The following CAPN1 variants were observed in gnomAD, a reference collection of about 807,000 sequenced individuals.
The protein encoded by CAPN1 is calpain-1 catalytic subunit.
CAPN1 carries 77 observed loss-of-function variants against 105.2 expected under a neutral mutation model. That is an observed-to-expected ratio of 0.73 (90% CI 0.61 to 0.88). The LOEUF (loss-of-function observed/expected upper bound fraction) is 0.88, where lower values mean the gene tolerates loss of function less well. CAPN1 is among the 40% of genes least tolerant of loss of function. The pLI is 0.00. For synonymous variants in CAPN1, 355 were observed against 388.8 expected (o/e 0.91, Z 1.02); for missense variants, 833 against 976.6 (o/e 0.85, Z 1.96).
At position 65,208,113 on chromosome 11, in the gene CAPN1, C is replaced by T. The variant is rs1392104479; in HGVS notation, c.1664C>T (p.Ala555Val). The change falls in exon 15 of 22, where the codon GCA becomes GTA. Residue 555 changes from alanine (A) to valine (V), a missense_variant. Transcript: ENST00000279247. The surrounding 1 kb of genome is among the most constrained non-coding windows in gnomAD (Gnocchi z 4.1). ...TTCAAGGCCCTCTTCAGGCAGCTGG[C>T]AGGGGAGGTAGGTTGGGGCATGGCA... ...ENFKALFRQL[A>V]GEDMEISVKE... 1.9e-6 allele frequency: 3 copies of T among 1,607,814 alleles called. No homozygotes were observed. The highest frequency in any genetic ancestry group is 2.5e-6 in the Non-Finnish European group (3 of 1,177,338).
intron 10 of CAPN1, among the ~76,000 whole-genome samples, chr11:65,202,001 T>A (rs552195766): frequency 6.6e-6 from 1 of 151,854 alleles, no homozygotes; most frequent in South Asian, 2.1e-4. Context: ...TTCTGTATTT[T>A]TTCAGTAGAG....
intron 10 of CAPN1, among the ~76,000 whole-genome samples, chr11:65,190,702 G>GGT (rs1948706433): frequency 7.8e-6 from 1 of 127,636 alleles, no homozygotes; most frequent in South Asian, 2.4e-4. Flanking sequence ...TTTTGTTGTT[G>GGT]GTTTTTTTTG....
chr11:65,187,286 C>G lies in CAPN1; in HGVS notation c.831C>G (p.Thr277=). 1 of 1,612,190 alleles carries G rather than the reference C, an allele frequency of 6.2e-7. No individual in the cohort carries two copies. Among genetic ancestry groups the G allele is most frequent in the African/African-American group, 1.3e-5 (1 of 75,042 alleles). The change falls in exon 7 of 22, where the codon ACC becomes ACG. Residue 277 remains threonine, a synonymous_variant. Coordinates refer to ENST00000279247, the MANE Select transcript of CAPN1 (RefSeq NM_005186.4). ...TGAAGGGCCATGCCTACTCTGTGAC[C>G]GGGGCCAAGCAGGTACTGCCCTGGG... ...KLVKGHAYSV[T]GAKQVNYRGQ...
intron 12 of CAPN1, chr11:65,206,000 CAAGT>C: frequency 1.8e-6 from 1 of 545,846 alleles, no homozygotes; most frequent in Non-Finnish European, 3.3e-6. Flanking sequence ...CCATCTACAC[CAAGT>C]AAGTGCCAAC....
In CAPN1 at chr11:65,183,575, G is replaced by A. The variant is rs765778693; in HGVS notation, c.439G>A (p.Gly147Ser). 2.5e-6 allele frequency: 4 copies of A among 1,612,794 alleles called. No individual in the cohort carries two copies. The highest frequency in any genetic ancestry group is 2.5e-6 in the Non-Finnish European group (3 of 1,178,822). Residue 147 changes from glycine to serine, a missense_variant, in exon 4 of 22, where the codon GGC becomes AGC. Gly to Ser is a moderately conservative substitution (Grantham distance 56). Coordinates refer to ENST00000279247, the MANE Select transcript of CAPN1 (RefSeq NM_005186.4). ...HGQSFQNGYA[G>S]IFHFQLWQFG... is the part of the protein sequence containing the mutation. The stretch of plus-strand genomic sequence containing the variant: ...CCAGAGCTTCCAGAATGGCTATGCC[G>A]GCATCTTCCATTTCCAGGTGAGGGC...
Position 65,209,516 on chromosome 11 carries a change from T to C in CAPN1, c.1794+129T>C. On this transcript the variant is annotated intron_variant, in intron 17 of 21. Transcript: ENST00000279247. The surrounding 1 kb of genome is among the most constrained non-coding windows in gnomAD (Gnocchi z 4.1). Reference sequence around the variant, plus strand: ...CGGAGTGTGGACACACAGTGCCCCATGCTCAGATGTCTCCCTGGACGTCTT... The same window carrying C: ...CGGAGTGTGGACACACAGTGCCCCACGCTCAGATGTCTCCCTGGACGTCTT... 1 of 787,468 alleles carries C rather than the reference T, an allele frequency of 1.3e-6. No individual in the cohort carries two copies. Among genetic ancestry groups the C allele is most frequent in the East Asian group, 2.7e-5 (1 of 37,098 alleles). The allele number at this position is 787,468 out of a possible 1,614,324, so 48.8% of individuals were successfully genotyped here.
At chr11:65,206,114 A>G (rs1463318864) in intron 12 of CAPN1, 2 of 507,796 alleles carry the variant, frequency 3.9e-6, no homozygotes, top group South Asian at 2.4e-5. Context: ...TTGTGTCTGT[A>G]AAATGGGTGT....
At chr11:65,197,732 C>T (rs1422505070) in intron 10 of CAPN1, among the ~76,000 whole-genome samples, 1 of 151,860 alleles carries the variant, frequency 6.6e-6, no homozygotes, top group Non-Finnish European at 1.5e-5. Context: ...ACCAAAAATA[C>T]AAAAATTAGC....
At chr11:65,186,852 C>T (rs1322792218) in intron 6 of CAPN1, among the ~76,000 whole-genome samples, 1 of 152,226 alleles carries the variant, frequency 6.6e-6, no homozygotes, top group East Asian at 1.9e-4. Context: ...CTCTTCTGTC[C>T]TCACGTCCTT....
chr11:65,206,338 G>T, intron 12 of CAPN1, 125 bp from the exon 13 acceptor site: 1 of 716,342 alleles, frequency 1.4e-6, no homozygotes, highest in Non-Finnish European at 2.4e-6. Context: ...GGCTGTGAGT[G>T]AGCCATGCCC....
chr11:65,183,490 G>T lies in CAPN1; in HGVS notation c.354G>T (p.Leu118Phe). Residue 118 changes from leucine to phenylalanine, a missense_variant, in exon 4 of 22, where the codon TTG becomes TTT. By Grantham distance (22) the Leu-to-Phe change is conservative (BLOSUM62 0). Coordinates refer to ENST00000279247, the MANE Select transcript of CAPN1 (RefSeq NM_005186.4). ...CTGCCCCAGGGGACTGCTGGCTCTTGGCGGCCATCGCCTCCCTCACTCTCA... is the reference window on the plus strand; with the variant it reads ...CTGCCCCAGGGGACTGCTGGCTCTTTGCGGCCATCGCCTCCCTCACTCTCA... ...CQGALGDCWL[L>F]AAIASLTLND... The T allele has an allele frequency of 6.2e-7, 1 of 1,613,470 alleles. No homozygotes were observed. The highest frequency in any genetic ancestry group is 8.5e-7 in the Non-Finnish European group (1 of 1,179,466).
intron 10 of CAPN1, among the ~76,000 whole-genome samples, chr11:65,191,610 C>T (rs1957275731): frequency 6.6e-6 from 1 of 152,180 alleles, no homozygotes; most frequent in African/African-American, 2.4e-5. Context: ...AACTCCTGAC[C>T]TCAGGTGATC....
chr11:65,205,220 T>C (rs760595671), intron 11 of CAPN1, among the ~76,000 whole-genome samples: 6 of 152,198 alleles, frequency 3.9e-5, no homozygotes, highest in East Asian at 1.9e-4. Context: ...AGGGGAAAGA[T>C]AGGGGATAGG....
At chr11:65,189,539 A>G (rs1590852834) in intron 10 of CAPN1, among the ~76,000 whole-genome samples, 1 of 152,052 alleles carries the variant, frequency 6.6e-6, no homozygotes, top group African/African-American at 2.4e-5. Flanking sequence ...TTAGTCTTCA[A>G]CCCTTCGACC....
intron 4 of CAPN1, among the ~76,000 whole-genome samples, chr11:65,184,031 C>T (rs951985428): frequency 6.6e-6 from 1 of 152,128 alleles, no homozygotes; most frequent in Non-Finnish European, 1.5e-5. Context: ...AAGAAAGACT[C>T]GGGATTAAGT....
chr11:65,205,619 T>C (rs573890675), intron 11 of CAPN1, 91 bp from the exon 12 acceptor site: 37 of 1,296,434 alleles, frequency 2.9e-5, no homozygotes, highest in Admixed American at 6.8e-5. Flanking sequence ...ATCAGTCCCG[T>C]CTAAGAACTC....
rs750203523 is a variant in CAPN1, at chr11:65,206,441, GCTCCCTC to G, written c.1354-13_1354-7del. ...GGGCTGAGTGGGCAGCTGCAGCCCT[GCTCCCTC>G]CTCCCTCCCACCAGCTGGTGGGCCA... On this transcript the variant is annotated splice_polypyrimidine_tract_variant and intron_variant, in intron 12 of 21. Transcript: ENST00000279247. 50 of 1,603,086 alleles carry G rather than the reference GCTCCCTC, an allele frequency of 3.1e-5. No individual in the cohort carries two copies. The East Asian group carries it at 1.1e-3, about 36-fold the overall frequency.
Position 65,205,747 on chromosome 11 carries a change from G to GC in CAPN1, c.1353+27dup. 1.9e-6 allele frequency: 3 copies of GC among 1,609,798 alleles called. No homozygotes were observed. In the African/African-American group the frequency reaches 4.0e-5, roughly 21 times the overall value. On this transcript the variant is annotated intron_variant, in intron 12 of 21. Coordinates refer to ENST00000279247, the MANE Select transcript of CAPN1 (RefSeq NM_005186.4). ...GTAGGTGTGGCACCATGACCCACCT[G>GC]CAGTCACACACCCCTGATGGTGCCA...
Position 65,208,273 on chromosome 11 carries a change from G to C in CAPN1, c.1729+11G>C, listed in dbSNP as rs556600412. On this transcript the variant is annotated intron_variant, in intron 16 of 21. Coordinates refer to ENST00000279247, the MANE Select transcript of CAPN1 (RefSeq NM_005186.4). This position sits in a 1 kb window ranked among gnomAD's most constrained non-coding sequence, Gnocchi z 4.1. ...GGATCATCAGCAAACGTGAGTCCCC[G>C]CGGGGCTGTCCCACCACCCCACCAT... is the stretch of plus-strand genomic sequence containing the variant. The C allele has an allele frequency of 6.4e-7, 1 of 1,556,022 alleles. No homozygotes were observed. The highest frequency in any genetic ancestry group is 8.7e-7 in the Non-Finnish European group (1 of 1,149,522).
Sources: allele counts gnomAD v4.1 joint callset (sites outside exome capture counted in the v4.1 genomes callset), GRCh38; gene constraint gnomAD v4.1.1; non-coding constraint Gnocchi (gnomAD v3.1); transcripts MANE v1.5; gene names NCBI Gene and HGNC (gene_info 2026-07-23, HGNC 2026-07-21).